The following BTBD1 variants were observed in gnomAD, a reference collection of about 807,000 sequenced individuals.
The protein encoded by BTBD1 is BTB/POZ domain-containing protein 1.
A neutral mutation model predicts 48.0 loss-of-function variants in BTBD1; 34 were observed. The observed-to-expected ratio is 0.71, with a 90% confidence interval of 0.54 to 0.94. The LOEUF is 0.94. Among genes scored for constraint, BTBD1 ranks in the 40% least tolerant of loss-of-function variants. The pLI is 0.00. For synonymous variants in BTBD1, 261 were observed against 242.1 expected (o/e 1.08, Z -0.72); for missense variants, 543 against 625.6 (o/e 0.87, Z 1.41).
At chr15:83,032,418 G>T (rs1270950402) in intron 4 of BTBD1, among the ~76,000 whole-genome samples, 1 of 151,908 alleles carries the variant, frequency 6.6e-6, no homozygotes, top group Admixed American at 6.6e-5. Flanking sequence ...ACATGAAAAA[G>T]ATACTTGCAC....
Position 83,067,160 on chromosome 15 carries a change from T to A in BTBD1, c.-9A>T. 7.1e-7 allele frequency: 1 copy of A among 1,417,496 alleles called. No individual in the cohort carries two copies. Among genetic ancestry groups the A allele is most frequent in the Non-Finnish European group, 9.2e-7 (1 of 1,090,860 alleles). The allele number at this position is 1,417,496 out of a possible 1,614,324, so 87.8% of individuals were successfully genotyped here. On this transcript the variant is annotated 5_prime_UTR_variant, in exon 1 of 8. Transcript: ENST00000261721. ...GGCCCGAGTGAGGCCATCCTCCAGC[T>A]GCGCGGTTGCCCACGTTATGGACAA...
At chr15:83,042,374 A>ATATATATATATATATG (rs1555440271) in intron 3 of BTBD1, among the ~76,000 whole-genome samples, 1 of 121,978 alleles carries the variant, frequency 8.2e-6, no homozygotes, top group Non-Finnish European at 1.8e-5. Flanking sequence ...ATATATATAT[A>ATATATATATATATATG]TATGTATGTA....
At chr15:83,055,404 T>C (rs2151312544) in intron 2 of BTBD1, among the ~76,000 whole-genome samples, 1 of 152,286 alleles carries the variant, frequency 6.6e-6, no homozygotes, top group Non-Finnish European at 1.5e-5. Context: ...GTTACAGGCA[T>C]GTGCCACCAT....
At chr15:83,051,080 A>C (rs887995031) in intron 2 of BTBD1, among the ~76,000 whole-genome samples, 2 of 152,086 alleles carry the variant, frequency 1.3e-5, no homozygotes, top group East Asian at 3.8e-4. Flanking sequence ...GTTAAACTCA[A>C]GCAAGATTTT....
At chr15:83,062,967 G>A (rs563375520) in intron 1 of BTBD1, among the ~76,000 whole-genome samples, 4 of 152,192 alleles carry the variant, frequency 2.6e-5, no homozygotes, top group South Asian at 2.1e-4. Context: ...CAGGGTTATC[G>A]ATAGCTTCCA....
chr15:83,066,426 T>C (rs544513052), intron 1 of BTBD1, among the ~76,000 whole-genome samples: 2 of 152,366 alleles, frequency 1.3e-5, no homozygotes, highest in Admixed American at 1.3e-4. Context: ...CAACCTGATC[T>C]GCCCCTCTAT....
intron 7 of BTBD1, 106 bp downstream of exon 7, chr15:83,018,601 C>T: frequency 7.8e-7 from 1 of 1,279,868 alleles, no homozygotes; most frequent in Non-Finnish European, 1.1e-6. Flanking sequence ...GCTTCTTTTC[C>T]CCCCTCTTTA....
chr15:83,052,631 ATT>A (rs35721041), intron 2 of BTBD1, among the ~76,000 whole-genome samples: 15,650 of 132,542 alleles, frequency 0.12, 805 homozygotes, highest in Middle Eastern at 0.24. Flanking sequence ...ATATCAACAG[ATT>A]TTTTTTTTTT....
At position 83,050,211 on chromosome 15, in the gene BTBD1, CAT is replaced by C. The variant is rs751567982; in HGVS notation, c.559-35_559-34del. On this transcript the variant is annotated intron_variant, in intron 2 of 7. Coordinates refer to ENST00000261721, the MANE Select transcript of BTBD1 (RefSeq NM_025238.4). ...TATAAAGAGATAGTTATTTAACTTT[CAT>C]AGTTATTTTACCTTCAGACTGTACA... is the stretch of plus-strand genomic sequence containing the variant. The C allele has an allele frequency of 4.9e-6, 7 of 1,423,338 alleles. No individual in the cohort carries two copies. In the African/African-American group the frequency reaches 7.0e-5, roughly 14 times the overall value. 88.2% of individuals were successfully genotyped at this position (1,423,338 alleles called of 1,614,324 possible). A position where few individuals can be genotyped will look rare whatever the true frequency, so the allele number is the denominator to read the frequency against.
intron 4 of BTBD1, among the ~76,000 whole-genome samples, chr15:83,037,813 T>C (rs1290540720): frequency 1.3e-5 from 2 of 152,220 alleles, no homozygotes; most frequent in Admixed American, 1.3e-4. Flanking sequence ...CCAGGTGCGG[T>C]GGCTCACGCC....
At chr15:83,041,545 G>A (rs2032760492) in intron 4 of BTBD1, among the ~76,000 whole-genome samples, 183 bp downstream of exon 4, 1 of 151,948 alleles carries the variant, frequency 6.6e-6, no homozygotes, top group South Asian at 2.1e-4. Flanking sequence ...CTAATTTTTT[G>A]TACTTTTAGT....
chr15:83,047,912 G>C (rs142282892), intron 3 of BTBD1, among the ~76,000 whole-genome samples: 1 of 152,282 alleles, frequency 6.6e-6, no homozygotes, highest in Non-Finnish European at 1.5e-5. Context: ...GAAGACACTG[G>C]AAGCAAGGAA....
At chr15:83,031,983 G>A (rs1338945445) in intron 4 of BTBD1, among the ~76,000 whole-genome samples, 1 of 152,324 alleles carries the variant, frequency 6.6e-6, no homozygotes, top group South Asian at 2.1e-4. Context: ...TGGTGGGAAT[G>A]TAAACTAGTA....
intron 5 of BTBD1, chr15:83,024,164 C>T (rs2032358582): frequency 6.6e-6 from 1 of 152,178 alleles, no homozygotes; most frequent in African/African-American, 2.4e-5. Context: ...ACTCACCATG[C>T]CCAGCCTATT....
chr15:83,047,589 T>C (rs1244074463), intron 3 of BTBD1, among the ~76,000 whole-genome samples: 1 of 152,212 alleles, frequency 6.6e-6, no homozygotes, highest in Admixed American at 6.5e-5. Flanking sequence ...AGCCAAAATG[T>C]AGGTGCTATA....
chr15:83,041,302 T>C (rs980275424), intron 4 of BTBD1, among the ~76,000 whole-genome samples: 10 of 151,972 alleles, frequency 6.6e-5, no homozygotes, highest in Non-Finnish European at 1.0e-4. Flanking sequence ...CTCGCATATA[T>C]GTTTGTCATG....
At position 83,067,192 on chromosome 15, in the gene BTBD1, G is replaced by T. The variant is rs548734212; in HGVS notation, c.-41C>A. ...TTGCCCACGTTATGGACAAAACTCCGCCGCCATCGCCCAGGCCGCCTCCGG... is the reference window on the plus strand; with the variant it reads ...TTGCCCACGTTATGGACAAAACTCCTCCGCCATCGCCCAGGCCGCCTCCGG... On this transcript the variant is annotated 5_prime_UTR_variant, in exon 1 of 8. Transcript: ENST00000261721. 3 of 1,359,480 alleles carry T rather than the reference G, an allele frequency of 2.2e-6. No homozygotes were observed. Among genetic ancestry groups the T allele is most frequent in the African/African-American group, 1.5e-5 (1 of 66,122 alleles). 84.2% of individuals were successfully genotyped at this position (1,359,480 alleles called of 1,614,324 possible). A position where few individuals can be genotyped will look rare whatever the true frequency, so the allele number is the denominator to read the frequency against.
intron 1 of BTBD1, 49 bp downstream of exon 1, chr15:83,066,702 G>GGCCCA (rs1443162067): frequency 1.0e-3 from 11 of 10,958 alleles, no homozygotes; most frequent in South Asian, 0.012. Context: ...CTCCCAGCCC[G>GGCCCA]GCCCGGCCCG....
intron 3 of BTBD1, among the ~76,000 whole-genome samples, chr15:83,049,290 G>C (rs1343531269): frequency 6.6e-6 from 1 of 152,124 alleles, no homozygotes; most frequent in Admixed American, 6.5e-5. Flanking sequence ...GATGTGAGAG[G>C]AAACTAGAGT....
Sources: allele counts gnomAD v4.1 joint callset (sites outside exome capture counted in the v4.1 genomes callset), GRCh38; gene constraint gnomAD v4.1.1; transcripts MANE v1.5; gene names NCBI Gene and HGNC (gene_info 2026-07-23, HGNC 2026-07-21).